The following TNFRSF19 variants were observed in gnomAD, a reference collection of about 807,000 sequenced individuals.
TNFRSF19 encodes tumor necrosis factor receptor superfamily member 19.
A neutral mutation model predicts 46.4 loss-of-function variants in TNFRSF19; 27 were observed. The ratio of observed to expected loss-of-function variants is 0.58; its 90% CI spans 0.43 to 0.80. The LOEUF (loss-of-function observed/expected upper bound fraction) is 0.80. TNFRSF19 is among the 30% of genes least tolerant of loss of function. The pLI is 0.00. For missense variants in TNFRSF19, 511 were observed against 530.8 expected (o/e 0.96, Z 0.37); for synonymous variants, 204 against 205.0 (o/e 1.00, Z 0.04).
chr13:23,662,102 T>A (rs755991451), intron 7 of TNFRSF19, among the ~76,000 whole-genome samples: 4 of 152,366 alleles, frequency 2.6e-5, no homozygotes, highest in Non-Finnish European at 5.9e-5. Flanking sequence ...TGTCATGAAA[T>A]CTTTGCCCAT....
chr13:23,642,063 TC>T (rs1376196923), intron 5 of TNFRSF19, among the ~76,000 whole-genome samples: 1 of 152,196 alleles, frequency 6.6e-6, no homozygotes, highest in African/African-American at 2.4e-5. Flanking sequence ...AGTCAGCAAA[TC>T]TTAGATTGAA....
At chr13:23,643,818 A>G (rs1377889238) in intron 5 of TNFRSF19, among the ~76,000 whole-genome samples, 1 of 152,240 alleles carries the variant, frequency 6.6e-6, no homozygotes, top group Non-Finnish European at 1.5e-5. Flanking sequence ...TTGAGATCCC[A>G]TCAGTGCCAT....
rs34015735 is a variant in TNFRSF19, at chr13:23,616,095, TA to T, written c.359+55del. On this transcript the variant is annotated intron_variant, in intron 4 of 9. Transcript: ENST00000248484. Reference sequence around the variant, plus strand: ...TGTAATTATTTAATTAAGTAACTTTTAAAAAGGCAATTCCCTTGTTCCATTC... The same window carrying T: ...TGTAATTATTTAATTAAGTAACTTTTAAAAGGCAATTCCCTTGTTCCATTC... 8 of 1,532,320 alleles carry T rather than the reference TA, an allele frequency of 5.2e-6. No individual in the cohort carries two copies. In the South Asian group the frequency reaches 8.8e-5, roughly 17 times the overall value. The allele number at this position is 1,532,320 out of a possible 1,614,324, so 94.9% of individuals were successfully genotyped here. A position where few individuals can be genotyped will look rare whatever the true frequency, so the allele number is the denominator to read the frequency against.
chr13:23,618,145 T>C (rs1881430989), intron 4 of TNFRSF19, among the ~76,000 whole-genome samples: 1 of 152,100 alleles, frequency 6.6e-6, no homozygotes. Flanking sequence ...TGTTGGACTT[T>C]ATCAAAATTT....
intron 5 of TNFRSF19, among the ~76,000 whole-genome samples, chr13:23,632,731 C>G (rs959244352): frequency 6.6e-6 from 1 of 152,240 alleles, no homozygotes; most frequent in African/African-American, 2.4e-5. Context: ...CTCTATATCT[C>G]TATCAAGAGG....
chr13:23,612,959 C>T (rs749584457), intron 3 of TNFRSF19, among the ~76,000 whole-genome samples: 25 of 152,116 alleles, frequency 1.6e-4, no homozygotes, highest in African/African-American at 3.9e-4. Flanking sequence ...CTGGCAGGAA[C>T]GCAGGGCTCT....
chr13:23,598,073 T>G (rs147452184), intron 3 of TNFRSF19, among the ~76,000 whole-genome samples: 11,965 of 152,220 alleles, frequency 0.079, 694 homozygotes, highest in East Asian at 0.28. Flanking sequence ...CTCAATAAAC[T>G]AGGTATTGAT....
Position 23,668,630 on chromosome 13 carries a change from T to C in TNFRSF19, c.840-62T>C, listed in dbSNP as rs936828087. ...AGACCTAAAATTACGGCTGACATGCTTCTTTGTAGTAGTGTTTTTCTCCCC... is the reference window on the plus strand; with the variant it reads ...AGACCTAAAATTACGGCTGACATGCCTCTTTGTAGTAGTGTTTTTCTCCCC... On this transcript the variant is annotated intron_variant, in intron 8 of 9. Transcript: ENST00000248484. The C allele has an allele frequency of 1.0e-5, 16 of 1,527,538 alleles. No individual in the cohort carries two copies. In the African/African-American group the frequency reaches 1.8e-4, roughly 17 times the overall value. The allele number at this position is 1,527,538 out of a possible 1,614,324, so 94.6% of individuals were successfully genotyped here.
chr13:23,664,640 T>C (rs1447853486), intron 7 of TNFRSF19, among the ~76,000 whole-genome samples: 5 of 152,372 alleles, frequency 3.3e-5, no homozygotes, highest in Non-Finnish European at 5.9e-5. Flanking sequence ...TGACTTGTCC[T>C]CTTGGAACTG....
chr13:23,642,548 C>T, intron 5 of TNFRSF19, among the ~76,000 whole-genome samples: 1 of 152,162 alleles, frequency 6.6e-6, no homozygotes, highest in East Asian at 1.9e-4. Flanking sequence ...GCATGCAAAG[C>T]CAGGAGGAGA....
In TNFRSF19 at chr13:23,659,031, C is replaced by A. The variant is rs1884163540; in HGVS notation, c.446-19C>A. ...CTGCAGTTGTTCAGAGCATGCTGAC[C>A]CCATTCCTGTGGTTTCAGGTGCCAG... On this transcript the variant is annotated intron_variant, in intron 5 of 9. Coordinates refer to ENST00000248484, the MANE Select transcript of TNFRSF19 (RefSeq NM_148957.4). The surrounding 1 kb of genome is among the most constrained non-coding windows in gnomAD (Gnocchi z 4.9). 1 of 1,612,630 alleles carries A rather than the reference C, an allele frequency of 6.2e-7. No homozygotes were observed. Among genetic ancestry groups the A allele is most frequent in the Non-Finnish European group, 8.5e-7 (1 of 1,180,006 alleles).
Position 23,659,663 on chromosome 13 carries a change from C to T in TNFRSF19, c.610+449C>T, listed in dbSNP as rs1354800158. 5.9e-5 allele frequency among the ~76,000 whole-genome samples: 9 copies of T among 151,938 alleles called. No homozygotes were observed. The highest frequency in any genetic ancestry group is 1.7e-4 in the African/African-American group (7 of 41,354). On this transcript the variant is annotated intron_variant, in intron 6 of 9. Coordinates refer to ENST00000248484, the MANE Select transcript of TNFRSF19 (RefSeq NM_148957.4). The surrounding 1 kb of genome is among the most constrained non-coding windows in gnomAD (Gnocchi z 4.9). ...CTGGGACTACAGGCGCCCGCCACCA[C>T]GCCTGGATAATTTTTGTATTTTTAG... is the stretch of plus-strand genomic sequence containing the variant.
At chr13:23,616,755 T>C (rs1881325050) in intron 4 of TNFRSF19, among the ~76,000 whole-genome samples, 1 of 151,940 alleles carries the variant, frequency 6.6e-6, no homozygotes, top group Admixed American at 6.6e-5. Context: ...GCTAATTTTT[T>C]GTATTTTTAG....
intron 7 of TNFRSF19, among the ~76,000 whole-genome samples, chr13:23,666,020 G>A (rs1951626523): frequency 6.6e-6 from 1 of 152,130 alleles, no homozygotes; most frequent in South Asian, 2.1e-4. Context: ...CTTAATTTGG[G>A]TTTGTCTGAT....
chr13:23,657,465 T>C (rs1411692834), intron 5 of TNFRSF19, among the ~76,000 whole-genome samples: 1 of 152,198 alleles, frequency 6.6e-6, no homozygotes, highest in South Asian at 2.1e-4. Flanking sequence ...TCCATTATGA[T>C]AGCCATTAGC....
At chr13:23,658,717 C>T (rs1884141981) in intron 5 of TNFRSF19, among the ~76,000 whole-genome samples, 1 of 152,166 alleles carries the variant, frequency 6.6e-6, no homozygotes, top group African/African-American at 2.4e-5. Flanking sequence ...ACTGGGCAAC[C>T]AGAGGTAAAG....
chr13:23,646,201 G>A (rs982859181), intron 5 of TNFRSF19, among the ~76,000 whole-genome samples: 6 of 152,116 alleles, frequency 3.9e-5, no homozygotes, highest in Admixed American at 1.3e-4. Context: ...TTTCTGAAGC[G>A]GAAGGCAGAA....
At chr13:23,627,563 G>A (rs1882089447) in intron 5 of TNFRSF19, among the ~76,000 whole-genome samples, 1 of 152,218 alleles carries the variant, frequency 6.6e-6, no homozygotes, top group African/African-American at 2.4e-5. Context: ...GCCTCTATGT[G>A]GCAGAGCACG....
chr13:23,601,328 G>C (rs79252226), intron 3 of TNFRSF19, among the ~76,000 whole-genome samples: 1 of 152,174 alleles, frequency 6.6e-6, no homozygotes, highest in Non-Finnish European at 1.5e-5. Context: ...AGGCAGAAGA[G>C]AGTGCAGTGA....
Sources: allele counts gnomAD v4.1 joint callset (sites outside exome capture counted in the v4.1 genomes callset), GRCh38; gene constraint gnomAD v4.1.1; non-coding constraint Gnocchi (gnomAD v3.1); transcripts MANE v1.5; gene names NCBI Gene and HGNC (gene_info 2026-07-23, HGNC 2026-07-21).